Variants in FEM1B observed in about 807,000 individuals in gnomAD.
FEM1B encodes protein fem-1 homolog B.
Under a neutral mutation model 38.6 loss-of-function variants are expected in FEM1B, and 10 were observed. The ratio of observed to expected loss-of-function variants is 0.26; its 90% CI spans 0.16 to 0.44. The LOEUF (loss-of-function observed/expected upper bound fraction) is 0.44. Ranked by LOEUF, FEM1B falls within the 20% of genes least tolerant of loss-of-function variation. The probability of loss-of-function intolerance (pLI) is 1.00; values close to 1 mark genes in which losing one functional copy is unlikely to be tolerated. For synonymous variants in FEM1B, 288 were observed against 288.0 expected (o/e 1.00, Z 0.00); for missense variants, 471 against 786.7 (o/e 0.60, Z 4.80).
In FEM1B at chr15:68,281,221, A is replaced by G. The variant is rs559402686; in HGVS notation, c.248+2556A>G. On this transcript the variant is annotated intron_variant, in intron 1 of 1. Transcript: ENST00000306917. This position sits in a 1 kb window ranked among gnomAD's most constrained non-coding sequence, Gnocchi z 5.1. The stretch of plus-strand genomic sequence containing the variant: ...AACACATAGCCAGCACTTGAGACAC[A>G]TGGCCATATAGGGATTAACAGCTGT... Among the ~76,000 whole-genome samples, 27 of 152,238 alleles carry G rather than the reference A, an allele frequency of 1.8e-4. No homozygotes were observed. The highest frequency in any genetic ancestry group is 3.5e-4 in the Non-Finnish European group (24 of 68,044).
At position 68,289,974 on chromosome 15, in the gene FEM1B, C is replaced by T; in HGVS notation, c.616C>T (p.Leu206=). 1 of 1,614,172 alleles carries T rather than the reference C, an allele frequency of 6.2e-7. No homozygotes were observed. The highest frequency in any genetic ancestry group is 1.7e-5 in the Admixed American group (1 of 60,012). The change falls in exon 2 of 2, where the codon CTG becomes TTG. Residue 206 remains leucine (L), a synonymous_variant. Coordinates refer to ENST00000306917, the MANE Select transcript of FEM1B (RefSeq NM_015322.5). This position sits in a 1 kb window ranked among gnomAD's most constrained non-coding sequence, Gnocchi z 6.9. ...TGGGCACATAGATATTGTGAAAGAG[C>T]TGATAAAATGGCGTGCTGCTATAGT... ...EAGHIDIVKE[L]IKWRAAIVVN... is the part of the protein sequence containing the mutation.
In FEM1B at chr15:68,278,087, G is replaced by A. The variant is rs926693684; in HGVS notation, c.-331G>A. 1 of 259,664 alleles carries A rather than the reference G, an allele frequency of 3.9e-6. No individual in the cohort carries two copies. The allele number at this position is 259,664 out of a possible 1,614,324, so 16.1% of individuals were successfully genotyped here. Reference sequence around the variant, plus strand: ...CTCGGGCACGCGCCTGTCGCATCCCGCAGGAAGGAGGGGTCCGGCCTGAGG... The same window carrying A: ...CTCGGGCACGCGCCTGTCGCATCCCACAGGAAGGAGGGGTCCGGCCTGAGG... On this transcript the variant is annotated 5_prime_UTR_variant, in exon 1 of 2. Transcript: ENST00000306917. The surrounding 1 kb of genome is among the most constrained non-coding windows in gnomAD (Gnocchi z 5.7).
At position 68,278,612 on chromosome 15, in the gene FEM1B, C is replaced by G; in HGVS notation, c.195C>G (p.Leu65=). The part of the protein sequence containing the change: ...RNGHAKVVRL[L]LEHYRVQTQQ... ...GACACGCAAAGGTGGTACGCTTGCT[C>G]TTAGAACATTACCGGGTGCAGACTC... The change falls in exon 1 of 2, where the codon CTC becomes CTG. Residue 65 remains leucine, a synonymous_variant. Coordinates refer to ENST00000306917, the MANE Select transcript of FEM1B (RefSeq NM_015322.5). The surrounding 1 kb of genome is among the most constrained non-coding windows in gnomAD (Gnocchi z 5.7). 6.2e-7 allele frequency: 1 copy of G among 1,614,104 alleles called. No homozygotes were observed. The highest frequency in any genetic ancestry group is 8.5e-7 in the Non-Finnish European group (1 of 1,180,020).
chr15:68,285,076 G>C (rs1892771278), intron 1 of FEM1B, among the ~76,000 whole-genome samples: 1 of 152,202 alleles, frequency 6.6e-6, no homozygotes, highest in African/African-American at 2.4e-5. Context: ...TGTCACCACA[G>C]ATTAGTTTTG....
chr15:68,286,952 A>G lies in FEM1B; in HGVS notation c.249-2655A>G, dbSNP rs948140368. ...ACCCAGGCTGGATTGCAATGGTGCA[A>G]TCTCAGCTCACTGCAACCTCTGCCT... is the stretch of plus-strand genomic sequence containing the variant. On this transcript the variant is annotated intron_variant, in intron 1 of 1. Coordinates refer to ENST00000306917, the MANE Select transcript of FEM1B (RefSeq NM_015322.5). Among the ~76,000 whole-genome samples, 6 of 148,954 alleles carry G rather than the reference A, an allele frequency of 4.0e-5. 1 individual carries two copies. The highest frequency in any genetic ancestry group is 1.6e-4 in the African/African-American group (6 of 38,372).
Position 68,291,862 on chromosome 15 carries a change from T to G in FEM1B, c.*620T>G, listed in dbSNP as rs201888200. 6.6e-6 allele frequency: 1 copy of G among 152,290 alleles called. No homozygotes were observed. Among genetic ancestry groups the G allele is most frequent in the South Asian group, 2.1e-4 (1 of 4,836 alleles). The allele number at this position is 152,290 out of a possible 1,614,324, so 9.4% of individuals were successfully genotyped here. A position where few individuals can be genotyped will look rare whatever the true frequency, so the allele number is the denominator to read the frequency against. Reference sequence around the variant, plus strand: ...ACAAATTTATAAATTTAAATCCATTTGAAATTGTTGCATTATGCTGGGTAG... The same window carrying G: ...ACAAATTTATAAATTTAAATCCATTGGAAATTGTTGCATTATGCTGGGTAG... On this transcript the variant is annotated 3_prime_UTR_variant, in exon 2 of 2. Coordinates refer to ENST00000306917, the MANE Select transcript of FEM1B (RefSeq NM_015322.5). The surrounding 1 kb of genome is among the most constrained non-coding windows in gnomAD (Gnocchi z 6.9).
chr15:68,291,963 T>G lies in FEM1B; in HGVS notation c.*721T>G, dbSNP rs1892852091. On this transcript the variant is annotated 3_prime_UTR_variant, in exon 2 of 2. Coordinates refer to ENST00000306917, the MANE Select transcript of FEM1B (RefSeq NM_015322.5). This position sits in a 1 kb window ranked among gnomAD's most constrained non-coding sequence, Gnocchi z 6.9. ...GGACTCTGCCTTTAGGCTTGAATTC[T>G]TCAAAGTCTATTTTAATGAAATTTA... The G allele has an allele frequency of 6.6e-6, 1 of 152,234 alleles. No individual in the cohort carries two copies. The highest frequency in any genetic ancestry group is 6.5e-5 in the Admixed American group (1 of 15,282). 9.4% of individuals were successfully genotyped at this position (152,234 alleles called of 1,614,324 possible).
In FEM1B at chr15:68,278,672, A is replaced by G; in HGVS notation, c.248+7A>G. On this transcript the variant is annotated splice_region_variant and intron_variant, in intron 1 of 1. Coordinates refer to ENST00000306917, the MANE Select transcript of FEM1B (RefSeq NM_015322.5). The surrounding 1 kb of genome is among the most constrained non-coding windows in gnomAD (Gnocchi z 5.7). ...GCACCGTCCGCTTCGACGGGTAGGT[A>G]CATCCCAAGCCAGCCTCTCTCCGAC... is the stretch of plus-strand genomic sequence containing the variant. The G allele has an allele frequency of 3.7e-6, 6 of 1,613,390 alleles. No homozygotes were observed. Among genetic ancestry groups the G allele is most frequent in the Non-Finnish European group, 5.1e-6 (6 of 1,179,716 alleles).
intron 1 of FEM1B, among the ~76,000 whole-genome samples, chr15:68,285,915 T>C (rs925581714): frequency 1.3e-5 from 2 of 151,244 alleles, no homozygotes; most frequent in African/African-American, 2.5e-5. Context: ...TCTTTTTCTT[T>C]AACGGTTAAT....
rs1010092255 is a variant in FEM1B at position 68,284,171 on chromosome 15, C to A, written c.249-5436C>A. ...AAGTGTTGGGATTACAGACGTGAGCCACTGTGCCCAGCCCTCATATAAACT... is the reference window on the plus strand; with the variant it reads ...AAGTGTTGGGATTACAGACGTGAGCAACTGTGCCCAGCCCTCATATAAACT... On this transcript the variant is annotated intron_variant, in intron 1 of 1. Transcript: ENST00000306917. This position sits in a 1 kb window ranked among gnomAD's most constrained non-coding sequence, Gnocchi z 4.4. 6.6e-6 allele frequency among the ~76,000 whole-genome samples: 1 copy of A among 152,106 alleles called. No individual in the cohort carries two copies. Among genetic ancestry groups the A allele is most frequent in the African/African-American group, 2.4e-5 (1 of 41,398 alleles).
intron 1 of FEM1B, among the ~76,000 whole-genome samples, chr15:68,285,495 T>C (rs1892775232): frequency 6.6e-6 from 1 of 152,232 alleles, no homozygotes; most frequent in Non-Finnish European, 1.5e-5. Context: ...CCACCAGCAA[T>C]GAGAATGTCA....
Position 68,281,947 on chromosome 15 carries a change from T to C in FEM1B, c.248+3282T>C, listed in dbSNP as rs967758838. Among the ~76,000 whole-genome samples the C allele has an allele frequency of 6.6e-6, 1 of 152,206 alleles. No individual in the cohort carries two copies. Among genetic ancestry groups the C allele is most frequent in the African/African-American group, 2.4e-5 (1 of 41,454 alleles). On this transcript the variant is annotated intron_variant, in intron 1 of 1. Transcript: ENST00000306917. The surrounding 1 kb of genome is among the most constrained non-coding windows in gnomAD (Gnocchi z 5.1). ...ACATTTTTAGGAGTAACATTTGAGA[T>C]TATTTTACTTGTGGCGTGACATGTG...
chr15:68,278,724 C>T lies in FEM1B; in HGVS notation c.248+59C>T, dbSNP rs1892691558. Reference sequence around the variant, plus strand: ...CGCGCGGACTCGTTAATTCACGGGCCCTCCCCTCCCTCACCCTCTCTTACC... The same window carrying T: ...CGCGCGGACTCGTTAATTCACGGGCTCTCCCCTCCCTCACCCTCTCTTACC... On this transcript the variant is annotated intron_variant, in intron 1 of 1. Coordinates refer to ENST00000306917, the MANE Select transcript of FEM1B (RefSeq NM_015322.5). This position sits in a 1 kb window ranked among gnomAD's most constrained non-coding sequence, Gnocchi z 5.7. 1 of 1,588,922 alleles carries T rather than the reference C, an allele frequency of 6.3e-7. No individual in the cohort carries two copies. The highest frequency in any genetic ancestry group is 1.1e-5 in the South Asian group (1 of 89,826).
chr15:68,281,345 ATATCT>A lies in FEM1B; in HGVS notation c.248+2682_248+2686del, dbSNP rs973622517. Among the ~76,000 whole-genome samples, 1 of 152,126 alleles carries A rather than the reference ATATCT, an allele frequency of 6.6e-6. No homozygotes were observed. The highest frequency in any genetic ancestry group is 1.5e-5 in the Non-Finnish European group (1 of 68,016). ...CACTAACCTGCTGTTTACTTAATAA[ATATCT>A]TTTCTTTAAATTGTCTGTTATTTGC... On this transcript the variant is annotated intron_variant, in intron 1 of 1. Coordinates refer to ENST00000306917, the MANE Select transcript of FEM1B (RefSeq NM_015322.5). This position sits in a 1 kb window ranked among gnomAD's most constrained non-coding sequence, Gnocchi z 5.1.
In FEM1B at chr15:68,277,990, A is replaced by T. The variant is rs781026440; in HGVS notation, c.-428A>T. On this transcript the variant is annotated 5_prime_UTR_variant, in exon 1 of 2. Coordinates refer to ENST00000306917, the MANE Select transcript of FEM1B (RefSeq NM_015322.5). ...GGCCTTAGGCCGGGTGGGCCGGGTC[A>T]GGAGAGACGCGCCCATCTTTCGCCA... The T allele has an allele frequency of 5.1e-6, 1 of 194,588 alleles. No homozygotes were observed. The highest frequency in any genetic ancestry group is 1.0e-5 in the Non-Finnish European group (1 of 95,606). The allele number at this position is 194,588 out of a possible 1,614,324, so 12.1% of individuals were successfully genotyped here. A position where few individuals can be genotyped will look rare whatever the true frequency, so the allele number is the denominator to read the frequency against.
chr15:68,288,538 T>C lies in FEM1B; in HGVS notation c.249-1069T>C, dbSNP rs890500409. On this transcript the variant is annotated intron_variant, in intron 1 of 1. Transcript: ENST00000306917. The surrounding 1 kb of genome is among the most constrained non-coding windows in gnomAD (Gnocchi z 4.6). ...TTAGAAATTAAGGTTGGGGAAAAAT[T>C]GACAGTAGAAAGGTGGGAAAGATCA... Among the ~76,000 whole-genome samples the C allele has an allele frequency of 6.6e-6, 1 of 152,188 alleles. No homozygotes were observed. The highest frequency in any genetic ancestry group is 2.4e-5 in the African/African-American group (1 of 41,446).
At chr15:68,285,249 A>G (rs1892773255) in intron 1 of FEM1B, among the ~76,000 whole-genome samples, 1 of 151,274 alleles carries the variant, frequency 6.6e-6, no homozygotes, top group Non-Finnish European at 1.5e-5. Context: ...AATATACTAC[A>G]GTTTATCCAT....
In FEM1B at chr15:68,284,835, T is replaced by C. The variant is rs1466527336; in HGVS notation, c.249-4772T>C. Among the ~76,000 whole-genome samples the C allele has an allele frequency of 6.6e-6, 1 of 152,324 alleles. No homozygotes were observed. Among genetic ancestry groups the C allele is most frequent in the East Asian group, 1.9e-4 (1 of 5,186 alleles). ...GGTCTTTCCCGTGCTGTTCTCTTGA[T>C]AGTAAGTGTCACGGGATCTGATGAT... On this transcript the variant is annotated intron_variant, in intron 1 of 1. Transcript: ENST00000306917. The surrounding 1 kb of genome is among the most constrained non-coding windows in gnomAD (Gnocchi z 4.4).
In FEM1B at chr15:68,291,269, TGTG is replaced by T. The variant is rs780968615; in HGVS notation, c.*31_*33del. ...TGACTGGATATGTAAAGTCGTTTAA[TGTG>T]GTGCTAAAAAGTAAAGGACTTTTAA... On this transcript the variant is annotated 3_prime_UTR_variant, in exon 2 of 2. Coordinates refer to ENST00000306917, the MANE Select transcript of FEM1B (RefSeq NM_015322.5). The surrounding 1 kb of genome is among the most constrained non-coding windows in gnomAD (Gnocchi z 6.9). The T allele has an allele frequency of 2.0e-6, 3 of 1,516,390 alleles. No individual in the cohort carries two copies. Among genetic ancestry groups the T allele is most frequent in the Non-Finnish European group, 2.7e-6 (3 of 1,125,794 alleles). The allele number at this position is 1,516,390 out of a possible 1,614,324, so 93.9% of individuals were successfully genotyped here. A position where few individuals can be genotyped will look rare whatever the true frequency, so the allele number is the denominator to read the frequency against.
Sources: gnomAD v4.1 joint callset for allele counts (sites outside exome capture counted in the v4.1 genomes callset) on GRCh38, gnomAD v4.1.1 for gene constraint, Gnocchi (gnomAD v3.1) non-coding constraint, MANE v1.5 for transcripts, NCBI Gene and HGNC (gene_info 2026-07-23, HGNC 2026-07-21) for gene names.